Variants in SPAG9 observed in about 807,000 individuals in gnomAD.
SPAG9 encodes the protein sperm associated antigen 9, also known as C-Jun-amino-terminal kinase-interacting protein 4.
In SPAG9, 35 loss-of-function variants were observed where a neutral mutation model predicts 166.5. The ratio of observed to expected loss-of-function variants is 0.21; its 90% confidence interval spans 0.16 to 0.28. The LOEUF is 0.28. Among genes scored for constraint, SPAG9 ranks in the 10% least tolerant of loss-of-function variants. The probability of loss-of-function intolerance (pLI) is 1.00; values close to 1 mark genes in which losing one functional copy is unlikely to be tolerated. For missense variants in SPAG9, 1,235 were observed against 1,603.3 expected, an observed-to-expected ratio of 0.77 and a Z score of 3.92; for synonymous variants, 534 against 565.5, an observed-to-expected ratio of 0.94 and a Z score of 0.79.
At chr17:51,031,855 T>C (rs1206827031) in intron 5 of SPAG9, 133 bp from the exon 6 acceptor site, 2 of 746,230 alleles carry the variant, frequency 2.7e-6, no homozygotes, top group African/African-American at 1.7e-5. Context: ...AAAATGAGGG[T>C]TTGGAAGCTT....
At chr17:51,073,115 C>G (rs9889568) in intron 2 of SPAG9, among the ~76,000 whole-genome samples, 8,702 of 152,086 alleles carry the variant, frequency 0.057, 741 homozygotes, top group African/African-American at 0.19. Flanking sequence ...CACCAGAGGT[C>G]GGGAGTTTGA....
chr17:51,002,691 A>G (rs1478295643), intron 12 of SPAG9, among the ~76,000 whole-genome samples: 1 of 151,908 alleles, frequency 6.6e-6, no homozygotes, highest in Non-Finnish European at 1.5e-5. Flanking sequence ...TGGGAGGTCA[A>G]GGCTGCAGTG....
At chr17:51,097,838 C>T (rs1433678543) in intron 1 of SPAG9, among the ~76,000 whole-genome samples, 7 of 152,088 alleles carry the variant, frequency 4.6e-5, no homozygotes, top group African/African-American at 1.4e-4. Context: ...ACTCTGTTGC[C>T]TGGGTTGGAG....
At position 50,999,664 on chromosome 17, in the gene SPAG9, T is replaced by C. The variant is rs111587418; in HGVS notation, c.1661A>G (p.Gln554Arg). 1 of 1,612,360 alleles carries C rather than the reference T, an allele frequency of 6.2e-7. No individual in the cohort carries two copies. Among genetic ancestry groups the C allele is most frequent in the Non-Finnish European group, 8.5e-7 (1 of 1,178,744 alleles). ...ATCTTTGTTTTTCAATACTTACAACTGCCAAATGCTTGACCTTTTTTTTTC... is the reference window on the plus strand; with the variant it reads ...ATCTTTGTTTTTCAATACTTACAACCGCCAAATGCTTGACCTTTTTTTTTC... ...MQEKKRSSIW[Q>R]FFSRLFSSSS... Residue 554 changes from glutamine (Q) to arginine (R), a missense_variant, in exon 14 of 30, where the codon CAG becomes CGG. Transcript: ENST00000262013.
At chr17:50,975,183 C>A in intron 27 of SPAG9, 1 of 423,240 alleles carries the variant, frequency 2.4e-6, no homozygotes, top group South Asian at 3.9e-5. Context: ...AATAAGTAAG[C>A]TTATTTTTTA....
Position 50,964,950 on chromosome 17 carries a change from A to G in SPAG9, c.*1322T>C, listed in dbSNP as rs1354811437. ...TTTGTTTTTTTTTTTTGGTAGAGACAGGGTTTCGCCATGTTGCCCAGGCTG... is the reference window on the plus strand; with the variant it reads ...TTTGTTTTTTTTTTTTGGTAGAGACGGGGTTTCGCCATGTTGCCCAGGCTG... On this transcript the variant is annotated 3_prime_UTR_variant, in exon 30 of 30. Coordinates refer to ENST00000262013, the MANE Select transcript of SPAG9 (RefSeq NM_001130528.3). The G allele has an allele frequency of 5.3e-6, 1 of 187,660 alleles. No homozygotes were observed. The highest frequency in any genetic ancestry group is 2.4e-5 in the African/African-American group (1 of 41,576). 11.6% of individuals were successfully genotyped at this position (187,660 alleles called of 1,614,324 possible).
intron 5 of SPAG9, among the ~76,000 whole-genome samples, chr17:51,033,830 C>T (rs1392733488): frequency 6.6e-6 from 1 of 152,204 alleles, no homozygotes; most frequent in East Asian, 1.9e-4. Context: ...TAAACAACTT[C>T]TCCTATTCTA....
chr17:51,055,681 TA>T (rs1276556325), intron 3 of SPAG9, among the ~76,000 whole-genome samples: 7 of 152,088 alleles, frequency 4.6e-5, no homozygotes, highest in African/African-American at 1.7e-4. Flanking sequence ...AGAGAGGAAT[TA>T]TTTTTTTCAT....
Position 51,089,659 on chromosome 17 carries a change from TA to T in SPAG9, c.304-9956del. ...ATATATATATATATATATATATATA[TA>T]TATACACATACACACACACACTTTC... On this transcript the variant is annotated intron_variant, in intron 1 of 29. Coordinates refer to ENST00000262013, the MANE Select transcript of SPAG9 (RefSeq NM_001130528.3). 2.9e-5 allele frequency among the ~76,000 whole-genome samples: 3 copies of T among 103,068 alleles called. 1 individual carries two copies. The South Asian group carries it at 8.6e-4, about 30-fold the overall frequency. The allele number at this position is 103,068 out of a possible 152,430, so 67.6% of individuals were successfully genotyped here.
chr17:51,103,570 T>C (rs1328696220), intron 1 of SPAG9, among the ~76,000 whole-genome samples: 2 of 152,136 alleles, frequency 1.3e-5, no homozygotes, highest in Admixed American at 6.6e-5. Flanking sequence ...ACTGACAAGA[T>C]TGGGGCAGCC....
At chr17:51,018,080 A>G (rs924413991) in intron 8 of SPAG9, among the ~76,000 whole-genome samples, 5 of 152,088 alleles carry the variant, frequency 3.3e-5, no homozygotes, top group Admixed American at 2.6e-4. Flanking sequence ...GATTAAGATG[A>G]TATCTAATCT....
chr17:51,120,378 C>T lies in SPAG9; in HGVS notation c.279G>A (p.Lys93=), dbSNP rs1297884048. 6.2e-7 allele frequency: 1 copy of T among 1,604,624 alleles called. No homozygotes were observed. The highest frequency in any genetic ancestry group is 8.5e-7 in the Non-Finnish European group (1 of 1,176,306). ...EQLITQYERE[K]ALRKHAEEKF... ...CCTCCTCAGCGTGCTTGCGCAGCGCCTTCTCCCGCTCGTACTGGGTGATGA... is the reference window on the plus strand; with the variant it reads ...CCTCCTCAGCGTGCTTGCGCAGCGCTTTCTCCCGCTCGTACTGGGTGATGA... The change falls in exon 1 of 30, where the codon AAG becomes AAA. Residue 93 remains lysine (K), a synonymous_variant. Transcript: ENST00000262013. This position sits in a 1 kb window ranked among gnomAD's most constrained non-coding sequence, Gnocchi z 4.7.
intron 2 of SPAG9, among the ~76,000 whole-genome samples, chr17:51,073,912 C>T (rs1029658498): frequency 6.6e-6 from 1 of 151,898 alleles, no homozygotes. Flanking sequence ...ACCAGCCTGG[C>T]CAATATGGTG....
At chr17:51,018,981 T>C (rs1049121343) in intron 8 of SPAG9, among the ~76,000 whole-genome samples, 3 of 152,174 alleles carry the variant, frequency 2.0e-5, no homozygotes, top group Non-Finnish European at 4.4e-5. Context: ...CTGTTGCCAA[T>C]GTGATAGTAT....
At chr17:50,998,732 A>G in intron 14 of SPAG9, 115 bp from the exon 15 acceptor site, 1 of 990,718 alleles carries the variant, frequency 1.0e-6, no homozygotes, top group Non-Finnish European at 1.5e-6. Flanking sequence ...GCAATGAGTT[A>G]GAAATTGGCA....
chr17:51,001,340 C>T (rs982440316), intron 13 of SPAG9, among the ~76,000 whole-genome samples: 3 of 152,122 alleles, frequency 2.0e-5, no homozygotes, highest in African/African-American at 7.2e-5. Context: ...AGAAATCAAG[C>T]AAGAGTATTT....
intron 1 of SPAG9, among the ~76,000 whole-genome samples, chr17:51,118,040 C>A (rs1280112803): frequency 1.3e-5 from 2 of 149,006 alleles, no homozygotes; most frequent in Non-Finnish European, 3.0e-5. Flanking sequence ...GCTACTCGGG[C>A]GGCTGAGGCA....
At position 50,995,113 on chromosome 17, in the gene SPAG9, T is replaced by G; in HGVS notation, c.2170A>C (p.Ser724Arg). 1.2e-6 allele frequency: 2 copies of G among 1,614,112 alleles called. No homozygotes were observed. The highest frequency in any genetic ancestry group is 1.7e-6 in the Non-Finnish European group (2 of 1,179,962). ...KDVAGLDTEG[S>R]KQRSASQSSL... is the part of the protein sequence containing the mutation. ...CTCTGAGAGGCACTTCGCTGTTTAC[T>G]GCCTTCTGTATCCAAACCAGCAACA... Residue 724 changes from serine (S) to arginine (R), a missense_variant, in exon 18 of 30, where the codon AGT (serine) becomes CGT (arginine). Ser to Arg is a moderately radical substitution (Grantham distance 110). Around this residue, in one of 6 missense-constraint regions of SPAG9, gnomAD observed 493 missense variants for 559.4 expected, o/e 0.88. Transcript: ENST00000262013.
intron 26 of SPAG9, among the ~76,000 whole-genome samples, chr17:50,979,305 A>C (rs1974415815): frequency 6.6e-6 from 1 of 151,472 alleles, no homozygotes; most frequent in African/African-American, 2.4e-5. Context: ...CCAGGAAGTC[A>C]AAGCTGCAGT....
Sources: allele counts gnomAD v4.1 joint callset (sites outside exome capture counted in the v4.1 genomes callset), GRCh38; gene constraint gnomAD v4.1.1; regional missense constraint gnomAD v4.1.1; non-coding constraint Gnocchi (gnomAD v3.1); transcripts MANE v1.5; gene names NCBI Gene and HGNC (gene_info 2026-07-23, HGNC 2026-07-21).